Variants in TSPAN4 observed in about 807,000 individuals in gnomAD.
The protein encoded by TSPAN4 is tetraspanin 4.
A neutral mutation model predicts 31.5 loss-of-function variants in TSPAN4; 38 were observed. The ratio of observed to expected loss-of-function variants is 1.21; its 90% CI spans 0.93 to 1.58. TSPAN4 has a LOEUF of 1.58. Among genes scored for constraint, TSPAN4 ranks in the 40% most tolerant of loss-of-function variants. The pLI, the probability that TSPAN4 is intolerant of heterozygous loss-of-function variation, is 0.00. For synonymous variants in TSPAN4, 186 were observed against 144.6 expected, an observed-to-expected ratio of 1.29 and a Z score of -2.06; for missense variants, 330 against 317.3, an observed-to-expected ratio of 1.04 and a Z score of -0.30.
intron 4 of TSPAN4, chr11:863,729 G>C (rs902583006): frequency 6.5e-6 from 1 of 153,442 alleles, no homozygotes; most frequent in Non-Finnish European, 1.5e-5. Flanking sequence ...CCAGCACCCT[G>C]TCTGCCCCAC....
At position 848,771 on chromosome 11, in the gene TSPAN4, C is replaced by G. The variant is rs1007691840; in HGVS notation, c.-18+1471C>G. The G allele has an allele frequency of 1.6e-5, 9 of 548,186 alleles. No individual in the cohort carries two copies. The South Asian group carries it at 1.8e-4, about 11-fold the overall frequency. The allele number at this position is 548,186 out of a possible 1,614,324, so 34.0% of individuals were successfully genotyped here. ...GCCACGTGCTGATATCTTCCCAACA[C>G]CGCAGGGCCCTTGTGCCCTGTGGTG... On this transcript the variant is annotated intron_variant, in intron 2 of 8. Transcript: ENST00000397397. This position sits in a 1 kb window ranked among gnomAD's most constrained non-coding sequence, Gnocchi z 5.7.
intron 2 of TSPAN4, among the ~76,000 whole-genome samples, chr11:849,495 C>T (rs999251840): frequency 3.1e-4 from 47 of 152,206 alleles, no homozygotes; most frequent in African/African-American, 1.0e-3. Context: ...AGAGTCCGGG[C>T]GAGGTACCGT....
chr11:864,560 C>T, intron 5 of TSPAN4, 49 bp downstream of exon 5: 2 of 1,602,528 alleles, frequency 1.2e-6, no homozygotes, highest in Non-Finnish European at 1.7e-6. Context: ...GGGGCTCCAT[C>T]CTCACTCCCA....
At chr11:860,724 TC>T (rs1031096250) in intron 3 of TSPAN4, among the ~76,000 whole-genome samples, 89 of 152,144 alleles carry the variant, frequency 5.8e-4, no homozygotes, top group African/African-American at 2.0e-3. Context: ...CTTCTGGTAG[TC>T]CCCCGGGAAC....
intron 3 of TSPAN4, among the ~76,000 whole-genome samples, chr11:850,694 C>A (rs1847636347): frequency 6.6e-6 from 1 of 152,234 alleles, no homozygotes; most frequent in Admixed American, 6.5e-5. Context: ...CCGGGCACTG[C>A]GCCTCTCCTA....
intron 5 of TSPAN4, chr11:865,268 C>T: frequency 1.8e-6 from 1 of 551,266 alleles, no homozygotes; most frequent in Non-Finnish European, 3.3e-6. Context: ...TGTCCCTGTC[C>T]TCTGTCCCCC....
intron 1 of TSPAN4, chr11:843,820 C>A (rs550371406): frequency 1.6e-5 from 2 of 128,104 alleles, no homozygotes; most frequent in African/African-American, 5.4e-5. Flanking sequence ...TGGGGTGGGA[C>A]CTGTGTTGGG....
intron 2 of TSPAN4, 58 bp from the exon 3 acceptor site, chr11:850,230 C>G: frequency 1.4e-6 from 2 of 1,437,406 alleles, no homozygotes; most frequent in Admixed American, 4.0e-5. Context: ...CTACACGTCG[C>G]CCAAGGGCAA....
chr11:850,252 T>C (rs1284870213), intron 2 of TSPAN4, 36 bp from the exon 3 acceptor site: 7 of 1,545,510 alleles, frequency 4.5e-6, no homozygotes, highest in South Asian at 3.5e-5. Context: ...AAGTACGTGG[T>C]TTTCTACCTG....
chr11:862,948 G>GT (rs1218670884), intron 4 of TSPAN4: 1 of 587,034 alleles, frequency 1.7e-6, no homozygotes, highest in East Asian at 2.9e-5. Flanking sequence ...TTGCAGAGCG[G>GT]TGTGGGGGTC....
In TSPAN4 at chr11:850,309, C is replaced by A; in HGVS notation, c.5C>A (p.Ala2Glu). M[A>E]RACLQAVKYL... ...CTAGAACTGAAGCGCTGCGGCATGG[C>A]GCGCGCCTGCCTCCAGGCCGTCAAG... Residue 2 changes from alanine to glutamate, a missense_variant, in exon 3 of 9, where the codon GCG becomes GAG. Ala to Glu is a moderately radical substitution (Grantham distance 107). Transcript: ENST00000397397. 3.1e-6 allele frequency: 5 copies of A among 1,606,108 alleles called. No homozygotes were observed. Among genetic ancestry groups the A allele is most frequent in the Non-Finnish European group, 4.2e-6 (5 of 1,178,342 alleles).
intron 3 of TSPAN4, chr11:862,156 G>A (rs1326786166): frequency 5.6e-6 from 1 of 178,576 alleles, no homozygotes; most frequent in Non-Finnish European, 1.2e-5. Context: ...CAGGTGGGGA[G>A]TGAGCCTTCT....
intron 4 of TSPAN4, chr11:863,337 G>C (rs1848581559): frequency 6.6e-6 from 1 of 152,276 alleles, no homozygotes. Flanking sequence ...CCGAGGCCGT[G>C]GGCCCTGCGG....
In TSPAN4 at chr11:842,933, T is replaced by A. The variant is rs576660191; in HGVS notation, c.-118+18T>A. 8.6e-4 allele frequency: 133 copies of A among 154,584 alleles called. 1 individual carries two copies. Among genetic ancestry groups the A allele is most frequent in the Non-Finnish European group, 1.5e-3 (101 of 69,478 alleles). 9.6% of individuals were successfully genotyped at this position (154,584 alleles called of 1,614,324 possible). On this transcript the variant is annotated intron_variant, in intron 1 of 8. Transcript: ENST00000397397. Reference sequence around the variant, plus strand: ...CGGCGCAGGTACTGCGCCTGGGGGTTGTGGGGGCGTGCGGCCAGGGTCCCG... The same window carrying A: ...CGGCGCAGGTACTGCGCCTGGGGGTAGTGGGGGCGTGCGGCCAGGGTCCCG...
intron 2 of TSPAN4, 51 bp from the exon 3 acceptor site, chr11:850,237 G>T: frequency 6.8e-7 from 1 of 1,468,300 alleles, no homozygotes; most frequent in South Asian, 1.2e-5. Flanking sequence ...TCGCCCAAGG[G>T]CAACAAGTAC....
At chr11:861,392 A>C (rs994838963) in intron 3 of TSPAN4, among the ~76,000 whole-genome samples, 9 of 152,050 alleles carry the variant, frequency 5.9e-5, no homozygotes, top group Non-Finnish European at 1.0e-4. Flanking sequence ...AGACGGGCTG[A>C]TCATGAGGTC....
At chr11:850,159 A>C in intron 2 of TSPAN4, 129 bp from the exon 3 acceptor site, 1 of 682,170 alleles carries the variant, frequency 1.5e-6, no homozygotes. Flanking sequence ...GGCGGCGGGG[A>C]CGCCGGGGGC....
intron 3 of TSPAN4, 140 bp from the exon 4 acceptor site, chr11:862,410 A>G: frequency 1.3e-6 from 1 of 743,156 alleles, no homozygotes; most frequent in African/African-American, 1.8e-5. Flanking sequence ...CTGCCGTGGG[A>G]TCTAGCAGGA....
chr11:849,018 C>A, intron 2 of TSPAN4: 4 of 597,442 alleles, frequency 6.7e-6, no homozygotes, highest in Non-Finnish European at 3.1e-6. Context: ...AAATTCTGGG[C>A]CCCTTGTTTA....
Sources: gnomAD v4.1 joint callset for allele counts (sites outside exome capture counted in the v4.1 genomes callset) on GRCh38, gnomAD v4.1.1 for gene constraint, Gnocchi (gnomAD v3.1) non-coding constraint, MANE v1.5 for transcripts, NCBI Gene and HGNC (gene_info 2026-07-23, HGNC 2026-07-21) for gene names.